Variants in ADGRV1 observed in about 807,000 individuals in gnomAD.
The protein encoded by ADGRV1 is adhesion G protein-coupled receptor V1.
In ADGRV1, 359 loss-of-function variants were observed where a neutral mutation model predicts 596.2. That is an observed-to-expected ratio of 0.60 (90% CI 0.55 to 0.66). The LOEUF (loss-of-function observed/expected upper bound fraction) is 0.66, where lower values mean the gene tolerates loss of function less well. ADGRV1 is among the 30% of genes least tolerant of loss of function. The pLI is 0.00. For missense variants in ADGRV1, 7,274 were observed against 7,575.6 expected (o/e 0.96, Z 1.48); for synonymous variants, 2,681 against 2,679.2 (o/e 1.00, Z -0.02).
chr5:91,060,285 A>G (rs1381666498), intron 85 of ADGRV1, among the ~76,000 whole-genome samples: 6 of 151,912 alleles, frequency 3.9e-5, no homozygotes, highest in Non-Finnish European at 2.9e-5. Flanking sequence ...CAGTGGCATG[A>G]TTATGGCTCC....
intron 85 of ADGRV1, among the ~76,000 whole-genome samples, chr5:91,058,800 G>A (rs964213668): frequency 3.3e-5 from 5 of 152,108 alleles, no homozygotes; most frequent in Admixed American, 2.0e-4. Context: ...CCCCTCATGC[G>A]GACGTGCTGT....
chr5:91,093,246 C>T (rs1009527540), intron 86 of ADGRV1, among the ~76,000 whole-genome samples: 2 of 152,222 alleles, frequency 1.3e-5, no homozygotes, highest in East Asian at 1.9e-4. Context: ...ATCTATCCCT[C>T]GAGTTCATCC....
chr5:90,976,326 A>G lies in ADGRV1; in HGVS notation c.17974-9018A>G, dbSNP rs866587192. Among the ~76,000 whole-genome samples the G allele has an allele frequency of 8.5e-3, 794 of 93,038 alleles. 8 individuals carry two copies. The highest frequency in any genetic ancestry group is 0.011 in the Non-Finnish European group (459 of 41,806). 61.0% of individuals were successfully genotyped at this position (93,038 alleles called of 152,430 possible). ...TGTGTGTGTGTGTGTGTGTGTGTATATATATATATATATATATATATATGT... is the reference window on the plus strand; with the variant it reads ...TGTGTGTGTGTGTGTGTGTGTGTATGTATATATATATATATATATATATGT... On this transcript the variant is annotated intron_variant, in intron 84 of 89. Transcript: ENST00000405460.
At position 90,810,385 on chromosome 5, in the gene ADGRV1, A is replaced by G. The variant is rs779758017; in HGVS notation, c.15125A>G (p.Tyr5042Cys). ...GFHSDLIKVS[Y>C]QTTAGSAKPL... is the part of the protein sequence containing the mutation. The stretch of plus-strand genomic sequence containing the variant: ...CACAGCGATCTTATTAAAGTTTCTT[A>G]TCAGACCACTGCAGGAAGCGCCAAG... Residue 5042 changes from tyrosine to cysteine, a missense_variant, in exon 74 of 90, where the codon TAT becomes TGT. Physicochemically the swap from Tyr to Cys is radical, Grantham distance 194. This residue lies in a region of ADGRV1 where 1,874 missense variants were observed against 1,970.2 expected (regional missense o/e 0.95). Transcript: ENST00000405460. 4.3e-6 allele frequency: 7 copies of G among 1,613,804 alleles called. No individual in the cohort carries two copies. Among genetic ancestry groups the G allele is most frequent in the African/African-American group, 1.3e-5 (1 of 74,942 alleles).
intron 85 of ADGRV1, among the ~76,000 whole-genome samples, chr5:91,042,652 G>C (rs554776822): frequency 1.3e-5 from 2 of 152,098 alleles, no homozygotes; most frequent in African/African-American, 4.8e-5. Flanking sequence ...TAACCATCAG[G>C]ATAATTTAAT....
chr5:91,158,382 T>G (rs1413643276), intron 89 of ADGRV1, among the ~76,000 whole-genome samples: 1 of 152,190 alleles, frequency 6.6e-6, no homozygotes. Flanking sequence ...TTTTCTGTGG[T>G]TTTTACATCT....
intron 39 of ADGRV1, among the ~76,000 whole-genome samples, chr5:90,709,512 G>T (rs1485161407): frequency 1.3e-5 from 2 of 152,164 alleles, no homozygotes; most frequent in Non-Finnish European, 2.9e-5. Flanking sequence ...AAGCCTGTAG[G>T]TGTGATGGCC....
chr5:90,579,819 G>A (rs775207852), intron 1 of ADGRV1, among the ~76,000 whole-genome samples: 1 of 152,182 alleles, frequency 6.6e-6, no homozygotes, highest in Non-Finnish European at 1.5e-5. Flanking sequence ...ATTTAGTATA[G>A]TTAGTTCTTC....
chr5:90,728,873 G>C lies in ADGRV1; in HGVS notation c.10366G>C (p.Val3456Leu). Residue 3456 changes from valine to leucine, a missense_variant, in exon 49 of 90, where the codon GTT becomes CTT. Physicochemically the swap from Val to Leu is conservative, Grantham distance 32. Transcript: ENST00000405460. ...GGTGCCTGTCAGTGGGACAACAGAA[G>C]TTGAGGCTTTGTCTTCAGCCAATGA... ...QEVPVSGTTE[V>L]EALSSANDIY... The C allele has an allele frequency of 6.2e-7, 1 of 1,613,654 alleles. No individual in the cohort carries two copies.
chr5:90,667,051 C>T (rs1219340238), intron 21 of ADGRV1, among the ~76,000 whole-genome samples: 2 of 152,002 alleles, frequency 1.3e-5, no homozygotes, highest in Admixed American at 1.3e-4. Context: ...ATATTTTTTC[C>T]TTCATTTCAA....
rs574131516 is a variant in ADGRV1 at position 90,594,560 on chromosome 5, T to C, written c.23-20275T>C. On this transcript the variant is annotated intron_variant, in intron 1 of 89. Coordinates refer to ENST00000405460, the MANE Select transcript of ADGRV1 (RefSeq NM_032119.4). ...GGGATTTGGCAGGGTCATAGGACAA[T>C]AGTGGAGGGAAGGTCAGCAGATAAA... 1.7e-4 allele frequency among the ~76,000 whole-genome samples: 23 copies of C among 138,052 alleles called. 1 individual carries two copies. The highest frequency in any genetic ancestry group is 7.5e-3 in the Middle Eastern group (2 of 268). 90.6% of individuals were successfully genotyped at this position (138,052 alleles called of 152,430 possible).
At chr5:90,850,589 A>G (rs1215885938) in intron 79 of ADGRV1, 1 of 152,108 alleles carries the variant, frequency 6.6e-6, no homozygotes, top group East Asian at 1.9e-4. Flanking sequence ...CTGTTGAACT[A>G]TGTTCAACTA....
intron 1 of ADGRV1, among the ~76,000 whole-genome samples, chr5:90,606,140 C>T (rs1762084730): frequency 3.9e-5 from 6 of 152,124 alleles, no homozygotes; most frequent in Admixed American, 3.9e-4. Context: ...CTTGGGATAC[C>T]TTTTTCTTAA....
intron 73 of ADGRV1, among the ~76,000 whole-genome samples, chr5:90,809,530 G>A (rs1324102561): frequency 6.6e-6 from 1 of 152,122 alleles, no homozygotes; most frequent in Non-Finnish European, 1.5e-5. Context: ...CTGAGTGCTG[G>A]CTGCTTGACA....
chr5:91,128,524 T>G (rs1449834117), intron 87 of ADGRV1, among the ~76,000 whole-genome samples: 1 of 152,162 alleles, frequency 6.6e-6, no homozygotes, highest in African/African-American at 2.4e-5. Context: ...AATGATTGAA[T>G]GGATCCCTGG....
At chr5:90,618,949 T>C in intron 3 of ADGRV1, 137 bp from the exon 4 acceptor site, 1 of 414,378 alleles carries the variant, frequency 2.4e-6, no homozygotes, top group Non-Finnish European at 4.3e-6. Context: ...AATGTTTACT[T>C]AATCTGTGCA....
rs766777489 is a variant in ADGRV1, at chr5:90,642,959, G to A, written c.2471G>A (p.Gly824Glu). 6.2e-7 allele frequency: 1 copy of A among 1,613,584 alleles called. No homozygotes were observed. The highest frequency in any genetic ancestry group is 1.7e-5 in the Admixed American group (1 of 59,998). Residue 824 changes from glycine to glutamate, a missense_variant, in exon 13 of 90, where the codon GGA (glycine) becomes GAA (glutamate). Gly to Glu is a moderately conservative substitution (Grantham distance 98, BLOSUM62 -2). This residue lies in a region of ADGRV1 where 1,715 missense variants were observed against 1,708.8 expected (regional missense o/e 1.00). Coordinates refer to ENST00000405460, the MANE Select transcript of ADGRV1 (RefSeq NM_032119.4). ...VEPRDSNEFYGNTGVLEFKPG... is the reference protein window; with the variant it reads ...VEPRDSNEFYENTGVLEFKPG... Reference sequence around the variant, plus strand: ...CCAAGAGATAGCAATGAATTCTATGGAAACACGGGAGTACTAGAATTTAAA... The same window carrying A: ...CCAAGAGATAGCAATGAATTCTATGAAAACACGGGAGTACTAGAATTTAAA...
chr5:90,767,674 CT>C (rs112354620), intron 59 of ADGRV1, among the ~76,000 whole-genome samples: 8,604 of 142,180 alleles, frequency 0.061, 743 homozygotes, highest in African/African-American at 0.2. Flanking sequence ...CCATGTCTTA[CT>C]TTTTTTTTTT....
At chr5:90,614,466 G>T (rs1240043848) in intron 1 of ADGRV1, among the ~76,000 whole-genome samples, 1 of 152,054 alleles carries the variant, frequency 6.6e-6, no homozygotes, top group Admixed American at 6.6e-5. Flanking sequence ...AGTTTTATTT[G>T]TGTAAATATG....
Sources: allele counts gnomAD v4.1 joint callset (sites outside exome capture counted in the v4.1 genomes callset), GRCh38; gene constraint gnomAD v4.1.1; regional missense constraint gnomAD v4.1.1; transcripts MANE v1.5; gene names NCBI Gene and HGNC (gene_info 2026-07-23, HGNC 2026-07-21).